Variants in SCN7A observed in about 807,000 individuals in gnomAD.
SCN7A encodes sodium channel protein type 7 subunit alpha.
A neutral mutation model predicts 155.2 loss-of-function variants in SCN7A; 138 were observed. That is an observed-to-expected ratio of 0.89 (90% CI 0.77 to 1.02). The LOEUF is 1.02. SCN7A is among the 50% of genes least tolerant of loss of function. The probability of loss-of-function intolerance (pLI) is 0.00; values close to 1 mark genes in which losing one functional copy is unlikely to be tolerated. For synonymous variants in SCN7A, 693 were observed against 649.0 expected (o/e 1.07, Z -1.03); for missense variants, 2,058 against 1,986.6 (o/e 1.04, Z -0.68).
At chr2:166,420,651 T>C (rs953349064) in intron 20 of SCN7A, among the ~76,000 whole-genome samples, 1 of 152,036 alleles carries the variant, frequency 6.6e-6, no homozygotes, top group African/African-American at 2.4e-5. Flanking sequence ...TAATATTCAA[T>C]CTATTAATTT....
intron 25 of SCN7A, among the ~76,000 whole-genome samples, chr2:166,407,071 C>A (rs1039548559): frequency 2.0e-5 from 3 of 151,962 alleles, no homozygotes; most frequent in Admixed American, 2.0e-4. Flanking sequence ...TGATTTCTGT[C>A]TTCAGGAACC....
At chr2:166,414,757 TATAGAATATATATTAC>T (rs1304913060) in intron 21 of SCN7A, 10 of 137,358 alleles carry the variant, frequency 7.3e-5, no homozygotes, top group South Asian at 6.4e-4. Context: ...ACAAAATATA[TATAGAATATATATTAC>T]ATAGAATATA....
At chr2:166,456,514 A>G (rs1402294740) in intron 11 of SCN7A, among the ~76,000 whole-genome samples, 1 of 152,172 alleles carries the variant, frequency 6.6e-6, no homozygotes, top group African/African-American at 2.4e-5. Context: ...AAAAAATATC[A>G]TAAGTGTGGT....
chr2:166,440,341 C>T (rs971895126), intron 15 of SCN7A, among the ~76,000 whole-genome samples: 6 of 152,124 alleles, frequency 3.9e-5, no homozygotes, highest in African/African-American at 1.2e-4. Context: ...CATTTAAGTG[C>T]TTCTTAAAAT....
At chr2:166,411,467 A>ACGC (rs67531256) in intron 23 of SCN7A, among the ~76,000 whole-genome samples, 12,311 of 151,990 alleles carry the variant, frequency 0.081, 583 homozygotes, top group Middle Eastern at 0.14. Context: ...GCCTTCGAAT[A>ACGC]CAAAAAGAAG....
At chr2:166,423,125 A>G in intron 19 of SCN7A, 134 bp downstream of exon 19, 1 of 815,314 alleles carries the variant, frequency 1.2e-6, no homozygotes, top group Non-Finnish European at 1.9e-6. Flanking sequence ...TTACAAACTA[A>G]GAAAGGTGTC....
chr2:166,492,861 T>C (rs1463385099), intron 1 of SCN7A, among the ~76,000 whole-genome samples: 1 of 152,214 alleles, frequency 6.6e-6, no homozygotes, highest in East Asian at 1.9e-4. Flanking sequence ...TGGAGTGTCA[T>C]TTATAAATAA....
rs185757753 is a variant in SCN7A, at chr2:166,477,638, A to T, written c.59T>A (p.Leu20His). 5.6e-6 allele frequency: 9 copies of T among 1,606,800 alleles called. No individual in the cohort carries two copies. In the African/African-American group the frequency reaches 1.2e-4, roughly 21 times the overall value. The change falls in exon 3 of 26, where the codon CTT becomes CAT. Residue 20 changes from leucine to histidine, a missense_variant. By Grantham distance (99) the Leu-to-His change is moderately conservative (BLOSUM62 -3). Coordinates refer to ENST00000643258, the MANE Select transcript of SCN7A (RefSeq NM_002976.4). ...TGTTTTAGCAATATGCTGTTTTATA[A>T]GTTCAAAAGACTCTTTAGTGAAGGG... is the stretch of plus-strand genomic sequence containing the variant. ...LVPFTKESFELIKQHIAKTHN... is the reference protein window; with the variant it reads ...LVPFTKESFEHIKQHIAKTHN...
At chr2:166,440,475 G>C (rs1415876182) in intron 15 of SCN7A, 5 of 152,120 alleles carry the variant, frequency 3.3e-5, no homozygotes, top group Admixed American at 1.3e-4. Context: ...ATATTACATT[G>C]AGTAACAAGG....
intron 1 of SCN7A, among the ~76,000 whole-genome samples, chr2:166,488,490 T>C (rs1398261705): frequency 6.6e-6 from 1 of 152,144 alleles, no homozygotes; most frequent in African/African-American, 2.4e-5. Context: ...ATAGTCTAAC[T>C]CTGTAGAGAC....
intron 11 of SCN7A, among the ~76,000 whole-genome samples, chr2:166,452,588 G>A (rs1161451864): frequency 6.6e-6 from 1 of 152,054 alleles, no homozygotes; most frequent in Non-Finnish European, 1.5e-5. Context: ...TCATTTTAAT[G>A]TGGCAAATAT....
chr2:166,486,144 G>A (rs986630134), intron 2 of SCN7A, among the ~76,000 whole-genome samples: 2 of 152,068 alleles, frequency 1.3e-5, no homozygotes, highest in East Asian at 3.9e-4. Flanking sequence ...GGGACTCTTC[G>A]GGACCTCTCA....
chr2:166,412,402 G>C (rs1428078954), intron 23 of SCN7A, 128 bp downstream of exon 23: 3 of 1,074,062 alleles, frequency 2.8e-6, no homozygotes, highest in African/African-American at 3.3e-5. Flanking sequence ...GATTTTTTAA[G>C]ATACATGTCA....
chr2:166,467,198 T>A (rs1702553366), intron 7 of SCN7A, among the ~76,000 whole-genome samples: 1 of 151,860 alleles, frequency 6.6e-6, no homozygotes. Flanking sequence ...AACCAATGTA[T>A]AAACCAGACT....
intron 7 of SCN7A, among the ~76,000 whole-genome samples, chr2:166,467,982 T>C (rs973587534): frequency 6.6e-6 from 1 of 151,988 alleles, no homozygotes; most frequent in Non-Finnish European, 1.5e-5. Context: ...TTTCCTTTAT[T>C]ATTTTAGATA....
intron 2 of SCN7A, among the ~76,000 whole-genome samples, chr2:166,481,011 T>C (rs889777970): frequency 6.6e-6 from 1 of 152,166 alleles, no homozygotes; most frequent in African/African-American, 2.4e-5. Context: ...AAGATAGGCC[T>C]ATAAGGACTC....
intron 7 of SCN7A, among the ~76,000 whole-genome samples, chr2:166,470,371 A>G (rs1702627072): frequency 2.0e-5 from 3 of 151,898 alleles, no homozygotes; most frequent in African/African-American, 7.2e-5. Flanking sequence ...AAATTAAAAT[A>G]TATTTCATTG....
rs1039617808 is a variant in SCN7A, at chr2:166,405,816, A to G, written c.4813T>C (p.Leu1605=). The part of the protein sequence containing the change: ...VVSEIESGFL[L]ANPFKITCEP... ...CATGTGATCTTAAAAGGGTTGGCTAACAAAAACCCTGATTCTATTTCTGAA... is the reference window on the plus strand; with the variant it reads ...CATGTGATCTTAAAAGGGTTGGCTAGCAAAAACCCTGATTCTATTTCTGAA... Residue 1605 remains leucine (L), a synonymous_variant, in exon 26 of 26, where the codon TTA becomes CTA. Coordinates refer to ENST00000643258, the MANE Select transcript of SCN7A (RefSeq NM_002976.4). 2.5e-6 allele frequency: 4 copies of G among 1,612,982 alleles called. No homozygotes were observed. The African/African-American group carries it at 5.3e-5, about 22-fold the overall frequency.
intron 15 of SCN7A, among the ~76,000 whole-genome samples, chr2:166,438,105 T>G (rs992900465): frequency 6.6e-6 from 1 of 152,168 alleles, no homozygotes; most frequent in Non-Finnish European, 1.5e-5. Flanking sequence ...AATCTCATCT[T>G]GAATTGTAGT....
Sources: allele counts gnomAD v4.1 joint callset (sites outside exome capture counted in the v4.1 genomes callset), GRCh38; gene constraint gnomAD v4.1.1; transcripts MANE v1.5; gene names NCBI Gene and HGNC (gene_info 2026-07-23, HGNC 2026-07-21).